PRKN: variants seen among roughly 807,000 people sequenced by gnomAD.
PRKN encodes the protein E3 ubiquitin-protein ligase parkin.
A neutral mutation model predicts 59.5 loss-of-function variants in PRKN; 56 were observed. That is an observed-to-expected ratio of 0.94 (90% CI 0.76 to 1.18). The LOEUF (loss-of-function observed/expected upper bound fraction) is 1.18. Among genes scored for constraint, PRKN ranks in the 50% most tolerant of loss-of-function variants. PRKN has a pLI of 0.00. For synonymous variants in PRKN, 250 were observed against 222.1 expected (o/e 1.13, Z -1.12); for missense variants, 657 against 596.4 (o/e 1.10, Z -1.06).
chr6:162,162,923 A>C (rs1319437302), intron 4 of PRKN, among the ~76,000 whole-genome samples: 1 of 148,586 alleles, frequency 6.7e-6, no homozygotes, highest in Non-Finnish European at 1.5e-5. Context: ...CAGAAGAATC[A>C]CTTGAACCCG....
chr6:162,471,514 G>C (rs1170276595), intron 1 of PRKN, among the ~76,000 whole-genome samples: 1 of 152,042 alleles, frequency 6.6e-6, no homozygotes, highest in Non-Finnish European at 1.5e-5. Flanking sequence ...TCTAACCTGT[G>C]GCTTCCACTC....
At chr6:162,272,806 T>A (rs1439058781) in intron 2 of PRKN, among the ~76,000 whole-genome samples, 1 of 151,890 alleles carries the variant, frequency 6.6e-6, no homozygotes, top group African/African-American at 2.4e-5. Flanking sequence ...AAGACCAGCC[T>A]GGCACACGTG....
At chr6:162,665,295 G>T (rs6909156) in intron 1 of PRKN, among the ~76,000 whole-genome samples, 36,666 of 151,800 alleles carry the variant, frequency 0.24, 5,139 homozygotes, top group African/African-American at 0.36. Flanking sequence ...CATTATCTCA[G>T]CCCAAAAACT....
chr6:162,321,586 C>T (rs970767748), intron 2 of PRKN, among the ~76,000 whole-genome samples: 4 of 151,576 alleles, frequency 2.6e-5, no homozygotes, highest in African/African-American at 7.3e-5. Flanking sequence ...AAAAGAAAAC[C>T]GAAAATGAAT....
chr6:161,836,349 C>T lies in PRKN; in HGVS notation c.735-50441G>A, dbSNP rs115332793. On this transcript the variant is annotated intron_variant, in intron 6 of 11. Coordinates refer to ENST00000366898, the MANE Select transcript of PRKN (RefSeq NM_004562.3). ...GGAGTCCCCTCATCTGGTCATCCTT[C>T]CATCCAAGATCCCTGGCTCTGGATG... Among the ~76,000 whole-genome samples, 1,489 of 152,324 alleles carry T rather than the reference C, an allele frequency of 9.8e-3. 24 individuals carry two copies. Among genetic ancestry groups the T allele is most frequent in the African/African-American group, 0.034 (1,405 of 41,570 alleles).
At chr6:162,201,786 G>A (rs1171690065) in intron 3 of PRKN, among the ~76,000 whole-genome samples, 3 of 152,128 alleles carry the variant, frequency 2.0e-5, no homozygotes, top group Non-Finnish European at 4.4e-5. Flanking sequence ...AGAGGCCAAC[G>A]CTGAGGAACT....
At position 162,374,390 on chromosome 6, in the gene PRKN, G is replaced by GTT. The variant is rs35660808; in HGVS notation, c.171+68918_171+68919dup. Among the ~76,000 whole-genome samples, 1,246 of 144,420 alleles carry GTT rather than the reference G, an allele frequency of 8.6e-3. 18 individuals carry two copies. The highest frequency in any genetic ancestry group is 0.03 in the African/African-American group (1,171 of 39,644). The allele number at this position is 144,420 out of a possible 152,430, so 94.7% of individuals were successfully genotyped here. ...AGGAGATAAAACCTGGTCTGCTATA[G>GTT]TTTTTTTTTTTTTTTAAGTTTTAGT... On this transcript the variant is annotated intron_variant, in intron 2 of 11. Coordinates refer to ENST00000366898, the MANE Select transcript of PRKN (RefSeq NM_004562.3).
chr6:162,041,971 C>T (rs1360421112), intron 5 of PRKN, among the ~76,000 whole-genome samples: 1 of 152,038 alleles, frequency 6.6e-6, no homozygotes, highest in African/African-American at 2.4e-5. Flanking sequence ...AAACACAAGG[C>T]CTTGCTGAGA....
At chr6:162,467,600 T>C (rs541507301) in intron 1 of PRKN, among the ~76,000 whole-genome samples, 104 of 152,288 alleles carry the variant, frequency 6.8e-4, no homozygotes, top group African/African-American at 2.4e-3. Flanking sequence ...GACCATTATC[T>C]GTCTTTTGAA....
At chr6:161,540,737 G>A (rs1041717637) in intron 9 of PRKN, among the ~76,000 whole-genome samples, 1 of 152,232 alleles carries the variant, frequency 6.6e-6, no homozygotes, top group Non-Finnish European at 1.5e-5. Context: ...ACAGAGTTTA[G>A]GAAATGCTGA....
At chr6:161,639,369 C>T (rs6912868) in intron 7 of PRKN, among the ~76,000 whole-genome samples, 3,898 of 152,122 alleles carry the variant, frequency 0.026, 173 homozygotes, top group African/African-American at 0.088. Context: ...CAATTGTTAG[C>T]GCAACGTCGG....
At chr6:161,703,333 A>G (rs1332490570) in intron 7 of PRKN, among the ~76,000 whole-genome samples, 2 of 152,172 alleles carry the variant, frequency 1.3e-5, no homozygotes, top group Non-Finnish European at 2.9e-5. Flanking sequence ...TAAAACAGAC[A>G]TTTTGCCAAA....
intron 7 of PRKN, among the ~76,000 whole-genome samples, chr6:161,780,160 A>G (rs1790142516): frequency 6.6e-6 from 1 of 152,212 alleles, no homozygotes; most frequent in African/African-American, 2.4e-5. Context: ...CTAAGATGAA[A>G]TCAAGTCACA....
At chr6:162,108,984 G>A (rs377195389) in intron 4 of PRKN, among the ~76,000 whole-genome samples, 7 of 152,346 alleles carry the variant, frequency 4.6e-5, no homozygotes, top group South Asian at 2.1e-4. Context: ...GCGCTGCCCC[G>A]TAGGCAGTGT....
chr6:162,292,418 A>G (rs1781478070), intron 2 of PRKN, among the ~76,000 whole-genome samples: 1 of 152,134 alleles, frequency 6.6e-6, no homozygotes, highest in African/African-American at 2.4e-5. Context: ...GTAGCTTTCT[A>G]CCTTAAAGGC....
chr6:161,486,795 AT>A (rs1251958251), intron 9 of PRKN, among the ~76,000 whole-genome samples: 2 of 152,220 alleles, frequency 1.3e-5, no homozygotes, highest in Non-Finnish European at 2.9e-5. Flanking sequence ...TTACAGACAT[AT>A]TTAATATTAA....
intron 10 of PRKN, among the ~76,000 whole-genome samples, chr6:161,384,243 A>G (rs1431795711): frequency 6.6e-6 from 1 of 152,198 alleles, no homozygotes; most frequent in Non-Finnish European, 1.5e-5. Flanking sequence ...TGTTTAATGC[A>G]TATTTGTTGA....
chr6:162,679,113 A>ATTT (rs376603751), intron 1 of PRKN, among the ~76,000 whole-genome samples: 1,476 of 45,556 alleles, frequency 0.032, 33 homozygotes, highest in African/African-American at 0.092. Context: ...TTTATTTATG[A>ATTT]ATGAATGAGA....
intron 6 of PRKN, among the ~76,000 whole-genome samples, chr6:161,928,865 G>C (rs989489920): frequency 4.6e-5 from 7 of 152,132 alleles, no homozygotes; most frequent in Non-Finnish European, 8.8e-5. Flanking sequence ...GGACTCATGA[G>C]AGCATTTCTT....
Sources: allele counts gnomAD v4.1 joint callset (sites outside exome capture counted in the v4.1 genomes callset), GRCh38; gene constraint gnomAD v4.1.1; transcripts MANE v1.5; gene names NCBI Gene and HGNC (gene_info 2026-07-23, HGNC 2026-07-21).